The following FTCDNL1 variants were observed in gnomAD, a reference collection of about 807,000 sequenced individuals.
FTCDNL1 encodes the protein formiminotransferase N-terminal subdomain-containing protein.
A neutral mutation model predicts 5.9 loss-of-function variants in FTCDNL1; 11 were observed. The observed-to-expected ratio is 1.87, with a 90% CI of 1.18 to 3.10. The LOEUF is 3.10. Ranked by LOEUF, FTCDNL1 falls within the 30% of genes most tolerant of loss-of-function variation. The probability of loss-of-function intolerance (pLI) is 0.00; values close to 1 mark genes in which losing one functional copy is unlikely to be tolerated. For missense variants in FTCDNL1, 115 were observed against 65.5 expected (o/e 1.76, Z -2.61); for synonymous variants, 58 against 24.8 (o/e 2.34, Z -3.99).
At chr2:199,794,927 T>C (rs192551702) in intron 3 of FTCDNL1, among the ~76,000 whole-genome samples, 1 of 152,270 alleles carries the variant, frequency 6.6e-6, no homozygotes, top group Non-Finnish European at 1.5e-5. Flanking sequence ...TGCATTCATG[T>C]TGTTGTCCTC....
the FTCDNL1 span, among the ~76,000 whole-genome samples, chr2:199,670,260 C>A: frequency 6.6e-6 from 1 of 152,162 alleles, no homozygotes; most frequent in East Asian, 1.9e-4. Context: ...ATGCCAAATA[C>A]TGGAAGTCAC....
chr2:199,747,362 A>AT, the FTCDNL1 span, among the ~76,000 whole-genome samples: 1 of 151,982 alleles, frequency 6.6e-6, no homozygotes, highest in Non-Finnish European at 1.5e-5. Context: ...GGGCGCACAC[A>AT]TTTTTGCGGC....
downstream of FTCDNL1, among the ~76,000 whole-genome samples, chr2:199,806,513 A>G (rs180822755): frequency 1.8e-3 from 280 of 152,312 alleles, 1 homozygote; most frequent in Non-Finnish European, 3.5e-3. Context: ...AGCCAGGGGG[A>G]ATGATAAATT....
At chr2:199,817,735 C>T (rs1259602614) in intron 4 of FTCDNL1, among the ~76,000 whole-genome samples, 1 of 150,218 alleles carries the variant, frequency 6.7e-6, no homozygotes, top group Non-Finnish European at 1.5e-5. Context: ...TGCCATGAGA[C>T]CCTGTCTCAA....
At chr2:199,782,198 T>C (rs901150776) in intron 3 of FTCDNL1, among the ~76,000 whole-genome samples, 1 of 152,198 alleles carries the variant, frequency 6.6e-6, no homozygotes, top group Non-Finnish European at 1.5e-5. Flanking sequence ...CAGGATCCAT[T>C]TGGATTTTTC....
intron 4 of FTCDNL1, among the ~76,000 whole-genome samples, chr2:199,813,279 A>AT (rs1282346256): frequency 6.6e-6 from 1 of 151,990 alleles, no homozygotes; most frequent in Non-Finnish European, 1.5e-5. Context: ...AAACACATGT[A>AT]TTTTTTTTCC....
intron 3 of FTCDNL1, among the ~76,000 whole-genome samples, chr2:199,776,071 G>A (rs1202812933): frequency 6.6e-6 from 1 of 151,966 alleles, no homozygotes; most frequent in East Asian, 1.9e-4. Flanking sequence ...CCGCCACCAC[G>A]CCTGGCTAAT....
the FTCDNL1 span, among the ~76,000 whole-genome samples, chr2:199,753,066 T>A: frequency 6.6e-6 from 1 of 151,824 alleles, no homozygotes. Context: ...TGGTGGGGAG[T>A]GAAACGGGGC....
chr2:199,825,980 C>T (rs1299603721), intron 3 of FTCDNL1, among the ~76,000 whole-genome samples: 3 of 152,172 alleles, frequency 2.0e-5, no homozygotes, highest in Non-Finnish European at 4.4e-5. Context: ...CATGTATGTG[C>T]TCCAGCCATA....
chr2:199,687,164 G>A, the FTCDNL1 span, among the ~76,000 whole-genome samples: 4 of 152,140 alleles, frequency 2.6e-5, no homozygotes, highest in Non-Finnish European at 4.4e-5. Flanking sequence ...AAGTGGTGCT[G>A]CCTTTTAATC....
chr2:199,755,596 C>G (rs1234211478), downstream of FTCDNL1, among the ~76,000 whole-genome samples: 1 of 152,306 alleles, frequency 6.6e-6, no homozygotes, highest in Non-Finnish European at 1.5e-5. Flanking sequence ...ATTCCCTATA[C>G]ACAGCAGTAT....
At position 199,851,141 on chromosome 2, in the gene FTCDNL1, C is replaced by T. The variant is rs1294077123; in HGVS notation, c.-409G>A. 1.5e-5 allele frequency: 2 copies of T among 137,536 alleles called. No individual in the cohort carries two copies. Among genetic ancestry groups the T allele is most frequent in the African/African-American group, 3.0e-5 (1 of 32,854 alleles). The allele number at this position is 137,536 out of a possible 1,614,324, so 8.5% of individuals were successfully genotyped here. A position where few individuals can be genotyped will look rare whatever the true frequency, so the allele number is the denominator to read the frequency against. The stretch of plus-strand genomic sequence containing the variant: ...AAGTCGCCGCCGCGCGTGGCCCGCG[C>T]GCAGCCTCCGCCGCCGCGCGTGGCC... On this transcript the variant is annotated 5_prime_UTR_variant, in exon 1 of 5. Transcript: ENST00000420128.
At chr2:199,771,706 C>G (rs1403883158) in intron 3 of FTCDNL1, among the ~76,000 whole-genome samples, 1 of 152,206 alleles carries the variant, frequency 6.6e-6, no homozygotes, top group Non-Finnish European at 1.5e-5. Context: ...AAGATCATTT[C>G]CATACCACCC....
the FTCDNL1 span, among the ~76,000 whole-genome samples, chr2:199,736,445 A>G: frequency 5.3e-5 from 8 of 152,244 alleles, no homozygotes; most frequent in East Asian, 1.5e-3. Context: ...AGAACTCACA[A>G]TGTGGATGCT....
intron 4 of FTCDNL1, 42 bp from the exon 5 acceptor site, chr2:199,812,766 C>T: frequency 4.3e-6 from 3 of 692,328 alleles, no homozygotes; most frequent in Non-Finnish European, 7.9e-6. Context: ...TTTCGTTTTC[C>T]ATGTGTGCTT....
rs1431856582 is a variant in FTCDNL1 at position 199,811,088 on chromosome 2, G to C, written c.*1617C>G. ...CCCGAGGCTGGGCCTCTTCCTCCTGGGAATTCTGCAGGAATGAATCAGATT... is the reference window on the plus strand; with the variant it reads ...CCCGAGGCTGGGCCTCTTCCTCCTGCGAATTCTGCAGGAATGAATCAGATT... On this transcript the variant is annotated 3_prime_UTR_variant, in exon 5 of 5. Transcript: ENST00000420128. 1.3e-5 allele frequency among the ~76,000 whole-genome samples: 2 copies of C among 152,068 alleles called. No individual in the cohort carries two copies. The highest frequency in any genetic ancestry group is 2.9e-5 in the Non-Finnish European group (2 of 68,028).
intron 3 of FTCDNL1, among the ~76,000 whole-genome samples, chr2:199,798,563 C>T (rs1700283580): frequency 6.6e-6 from 1 of 152,186 alleles, no homozygotes; most frequent in South Asian, 2.1e-4. Flanking sequence ...AGACATTTCC[C>T]TCACTTCCTT....
the FTCDNL1 span, among the ~76,000 whole-genome samples, chr2:199,731,312 TAACA>T: frequency 6.6e-6 from 1 of 152,240 alleles, no homozygotes. Context: ...TATACCAATG[TAACA>T]AACCTGTACA....
the FTCDNL1 span, among the ~76,000 whole-genome samples, chr2:199,666,277 A>G: frequency 0.037 from 5,696 of 152,304 alleles, 149 homozygotes; most frequent in Non-Finnish European, 0.055. Flanking sequence ...TGGCAAATAA[A>G]GAAAAAACGC....
Sources: allele counts gnomAD v4.1 joint callset (sites outside exome capture counted in the v4.1 genomes callset), GRCh38; gene constraint gnomAD v4.1.1; transcripts MANE v1.5; gene names NCBI Gene and HGNC (gene_info 2026-07-23, HGNC 2026-07-21).